Variants in RARS2 observed in about 807,000 individuals in gnomAD.
RARS2 encodes the protein arginyl-tRNA synthetase 2, mitochondrial.
A neutral mutation model predicts 88.5 loss-of-function variants in RARS2; 67 were observed. The ratio of observed to expected loss-of-function variants is 0.76; its 90% CI spans 0.62 to 0.93. The LOEUF (loss-of-function observed/expected upper bound fraction) is 0.93. Among genes scored for constraint, RARS2 ranks in the 40% least tolerant of loss-of-function variants. The probability of loss-of-function intolerance (pLI) is 0.00; values close to 1 mark genes in which losing one functional copy is unlikely to be tolerated. For synonymous variants in RARS2, 239 were observed against 230.3 expected, an observed-to-expected ratio of 1.04 and a Z score of -0.34; for missense variants, 664 against 684.2, an observed-to-expected ratio of 0.97 and a Z score of 0.33.
At chr6:87,530,737 G>A in intron 9 of RARS2, 47 bp downstream of exon 9, 1 of 1,597,712 alleles carries the variant, frequency 6.3e-7, no homozygotes, top group South Asian at 1.1e-5. Context: ...TAACAGCCGA[G>A]AGCTGCACTG....
rs192288167 is a variant in RARS2, at chr6:87,522,161, C to G, written c.975-637G>C. ...CCTGACCAACATGGTGAAACCCCGT[C>G]TCTACTAAAAATACAAAAATTAGCT... On this transcript the variant is annotated intron_variant, in intron 11 of 19. Transcript: ENST00000369536. Among the ~76,000 whole-genome samples the G allele has an allele frequency of 5.7e-4, 86 of 152,118 alleles. 2 individuals carry two copies. Among genetic ancestry groups the G allele is most frequent in the African/African-American group, 2.0e-3 (85 of 41,480 alleles).
intron 12 of RARS2, among the ~76,000 whole-genome samples, chr6:87,520,955 A>G (rs1253056477): frequency 2.0e-5 from 3 of 152,152 alleles, no homozygotes; most frequent in Non-Finnish European, 4.4e-5. Flanking sequence ...ACATGTGATA[A>G]AGTCTCATAA....
chr6:87,579,771 G>A (rs958093655), intron 1 of RARS2, among the ~76,000 whole-genome samples: 4 of 123,050 alleles, frequency 3.3e-5, no homozygotes, highest in Non-Finnish European at 6.3e-5. Context: ...TCTGTCGCCA[G>A]GCTGGAGTGC....
At chr6:87,584,743 T>C in intron 1 of RARS2, 2 of 459,604 alleles carry the variant, frequency 4.4e-6, no homozygotes, top group Middle Eastern at 3.3e-4. Flanking sequence ...TATGGATTTA[T>C]GAACAGAAGT....
intron 1 of RARS2, among the ~76,000 whole-genome samples, chr6:87,577,010 AC>A (rs2128209911): frequency 6.6e-6 from 1 of 152,350 alleles, no homozygotes; most frequent in African/African-American, 2.4e-5. Flanking sequence ...AGTGTGTTTC[AC>A]CTGCTCAGTT....
intron 1 of RARS2, among the ~76,000 whole-genome samples, chr6:87,586,121 G>C (rs1177788816): frequency 6.6e-6 from 1 of 152,174 alleles, no homozygotes; most frequent in African/African-American, 2.4e-5. Flanking sequence ...GAATGAACTG[G>C]AGGGAGGGCA....
In RARS2 at chr6:87,524,629, A is replaced by G. The variant is rs1249728981; in HGVS notation, c.902T>C (p.Leu301Pro). The G allele has an allele frequency of 3.7e-6, 6 of 1,612,764 alleles. No homozygotes were observed. Among genetic ancestry groups the G allele is most frequent in the Non-Finnish European group, 5.1e-6 (6 of 1,179,060 alleles). Residue 301 changes from leucine to proline, a missense_variant, in exon 11 of 20, where the codon CTC becomes CCC. By Grantham distance (98) the Leu-to-Pro change is moderately conservative. Transcript: ENST00000369536. ...TGAGGAGGGGTCGCCATTCCCAGAGAGATCTACTACAGCCGTTCCTTTTCT... is the reference window on the plus strand; with the variant it reads ...TGAGGAGGGGTCGCCATTCCCAGAGGGATCTACTACAGCCGTTCCTTTTCT... ...KTIKGTAVVDLSGNGDPSSIC... is the reference protein window; with the variant it reads ...KTIKGTAVVDPSGNGDPSSIC...
intron 1 of RARS2, among the ~76,000 whole-genome samples, chr6:87,588,675 ATTAG>A (rs780066454): frequency 2.2e-4 from 33 of 152,210 alleles, no homozygotes; most frequent in Admixed American, 8.5e-4. Flanking sequence ...TGCCAGGCCT[ATTAG>A]TTCTTCCAAT....
chr6:87,529,708 C>T, intron 9 of RARS2, 60 bp from the exon 10 acceptor site: 3 of 1,223,582 alleles, frequency 2.5e-6, no homozygotes, highest in Non-Finnish European at 3.6e-6. Context: ...TATTCTTACC[C>T]TAAGGCAAAA....
intron 8 of RARS2, among the ~76,000 whole-genome samples, chr6:87,540,637 C>G (rs1163347355): frequency 6.6e-6 from 1 of 152,076 alleles, no homozygotes; most frequent in Non-Finnish European, 1.5e-5. Flanking sequence ...GTCTGATCCC[C>G]TGATCTGTCA....
intron 9 of RARS2, among the ~76,000 whole-genome samples, chr6:87,530,277 G>A (rs1167095832): frequency 6.6e-6 from 1 of 152,058 alleles, no homozygotes; most frequent in African/African-American, 2.4e-5. Context: ...CAAAACTGTC[G>A]TTCCACCTGA....
chr6:87,523,162 AT>A (rs1289911442), intron 11 of RARS2, among the ~76,000 whole-genome samples: 1 of 152,166 alleles, frequency 6.6e-6, no homozygotes, highest in Non-Finnish European at 1.5e-5. Flanking sequence ...ACAAAGGGAA[AT>A]TTTTTGATTC....
intron 5 of RARS2, among the ~76,000 whole-genome samples, chr6:87,555,177 T>C (rs760845657): frequency 6.6e-6 from 1 of 151,658 alleles, no homozygotes; most frequent in African/African-American, 2.4e-5. Context: ...AAAAAAGTAA[T>C]TGTTAATACT....
chr6:87,542,061 T>A, intron 7 of RARS2, 67 bp from the exon 8 acceptor site: 2 of 1,238,800 alleles, frequency 1.6e-6, no homozygotes, highest in Non-Finnish European at 1.2e-6. Context: ...TGACAGGGAA[T>A]AGGTATAATT....
In RARS2 at chr6:87,549,486, A is replaced by G. The variant is rs182285396; in HGVS notation, c.396-840T>C. ...CGGTAGCTTGGGCCCAGGAGCTCAA[A>G]GTTACAGTGAACTACGATGACTGCA... On this transcript the variant is annotated intron_variant, in intron 5 of 19. Transcript: ENST00000369536. Among the ~76,000 whole-genome samples, 258 of 152,090 alleles carry G rather than the reference A, an allele frequency of 1.7e-3. 2 individuals carry two copies. Among genetic ancestry groups the G allele is most frequent in the African/African-American group, 6.0e-3 (248 of 41,514 alleles).
chr6:87,555,091 T>C (rs909239280), intron 5 of RARS2, among the ~76,000 whole-genome samples: 1 of 131,178 alleles, frequency 7.6e-6, no homozygotes, highest in African/African-American at 2.7e-5. Context: ...AGAGTGAGAC[T>C]CCGTCTCAAA....
At chr6:87,563,998 T>C (rs1788639520) in intron 3 of RARS2, 132 bp downstream of exon 3, 1 of 730,274 alleles carries the variant, frequency 1.4e-6, no homozygotes, top group Non-Finnish European at 2.4e-6. Context: ...AAAATGAATT[T>C]AAATTATATT....
At chr6:87,583,738 A>G (rs928514801) in intron 1 of RARS2, among the ~76,000 whole-genome samples, 1 of 152,190 alleles carries the variant, frequency 6.6e-6, no homozygotes, top group Non-Finnish European at 1.5e-5. Context: ...CATATAGAAT[A>G]CAAAGAATTC....
At position 87,524,656 on chromosome 6, in the gene RARS2, G is replaced by C; in HGVS notation, c.879-4C>G. On this transcript the variant is annotated splice_region_variant and splice_polypyrimidine_tract_variant and intron_variant, in intron 10 of 19. Coordinates refer to ENST00000369536, the MANE Select transcript of RARS2 (RefSeq NM_020320.5). ...ATCTACTACAGCCGTTCCTTTTCTA[G>C]AAATTCGAAAAGGTAACTCTGAAGC... The C allele has an allele frequency of 6.3e-7, 1 of 1,595,504 alleles. No individual in the cohort carries two copies. The highest frequency in any genetic ancestry group is 1.3e-5 in the African/African-American group (1 of 74,622).
Sources: gnomAD v4.1 joint callset for allele counts (sites outside exome capture counted in the v4.1 genomes callset) on GRCh38, gnomAD v4.1.1 for gene constraint, MANE v1.5 for transcripts, NCBI Gene and HGNC (gene_info 2026-07-23, HGNC 2026-07-21) for gene names.